Variants in PPAT observed in about 807,000 individuals in gnomAD.
The protein encoded by PPAT is phosphoribosyl pyrophosphate amidotransferase, also known as amidophosphoribosyltransferase.
A neutral mutation model predicts 60.2 loss-of-function variants in PPAT; 20 were observed. The observed-to-expected ratio is 0.33, with a 90% CI of 0.23 to 0.48. The LOEUF is 0.48. Among genes scored for constraint, PPAT ranks in the 20% least tolerant of loss-of-function variants. The pLI is 0.99. For missense variants in PPAT, 349 were observed against 629.6 expected (o/e 0.55, Z 4.77); for synonymous variants, 194 against 215.1 (o/e 0.90, Z 0.86).
At chr4:56,398,321 G>C (rs934194976) in intron 9 of PPAT, among the ~76,000 whole-genome samples, 5 of 152,080 alleles carry the variant, frequency 3.3e-5, no homozygotes, top group Non-Finnish European at 5.9e-5. Flanking sequence ...AGTGAGTTGA[G>C]ATGGTGCCAT....
At chr4:56,421,618 G>A (rs1179860301) in intron 1 of PPAT, 1 of 152,224 alleles carries the variant, frequency 6.6e-6, no homozygotes, top group Non-Finnish European at 1.5e-5. Context: ...AAGACAGTCT[G>A]CGTCTAGGGA....
At chr4:56,395,645 TAGGA>T in intron 10 of PPAT, 97 bp from the exon 11 acceptor site, 3 of 844,250 alleles carry the variant, frequency 3.6e-6, no homozygotes, top group Non-Finnish European at 3.2e-6. Flanking sequence ...TAATTTAAGC[TAGGA>T]TAAATTTCTC....
chr4:56,411,141 T>C (rs561381628), intron 1 of PPAT, among the ~76,000 whole-genome samples: 299 of 152,192 alleles, frequency 2.0e-3, no homozygotes, highest in African/African-American at 6.8e-3. Context: ...AAAAAGCACA[T>C]TACAATGGCA....
At chr4:56,429,179 G>A (rs1717449738) in intron 1 of PPAT, among the ~76,000 whole-genome samples, 1 of 152,172 alleles carries the variant, frequency 6.6e-6, no homozygotes, top group Admixed American at 6.5e-5. Flanking sequence ...CTCACTGAGT[G>A]AAAGTTCCTG....
intron 1 of PPAT, chr4:56,410,442 C>A: frequency 1.2e-6 from 1 of 815,114 alleles, no homozygotes; most frequent in Non-Finnish European, 1.5e-6. Context: ...AGCTTATTGA[C>A]AACCAGCCAT....
chr4:56,404,097 A>G (rs1716185315), intron 3 of PPAT: 1 of 396,956 alleles, frequency 2.5e-6, no homozygotes. Flanking sequence ...ACGGATGACC[A>G]TGGCTGGAGG....
intron 1 of PPAT, among the ~76,000 whole-genome samples, chr4:56,427,214 C>A (rs115968772): frequency 0.013 from 1,972 of 152,184 alleles, 49 homozygotes; most frequent in African/African-American, 0.045. Context: ...TGCTTGAGTC[C>A]CTGCTTTCAA....
intron 6 of PPAT, 139 bp downstream of exon 6, chr4:56,401,970 A>AT: frequency 1.6e-6 from 1 of 622,388 alleles, no homozygotes; most frequent in Non-Finnish European, 2.7e-6. Context: ...CATAACATGC[A>AT]TAAGAAAAAC....
intron 7 of PPAT, 118 bp from the exon 8 acceptor site, chr4:56,401,029 C>T (rs1370450599): frequency 2.8e-6 from 3 of 1,065,698 alleles, no homozygotes; most frequent in Non-Finnish European, 4.0e-6. Context: ...GCAATATATA[C>T]AAAAATATGA....
At chr4:56,403,758 T>A (rs1578115939) in intron 3 of PPAT, among the ~76,000 whole-genome samples, 1 of 152,178 alleles carries the variant, frequency 6.6e-6, no homozygotes, top group Admixed American at 6.5e-5. Context: ...AACTAGACAG[T>A]CCCATCTGGG....
intron 1 of PPAT, among the ~76,000 whole-genome samples, chr4:56,412,640 T>C (rs983664447): frequency 2.0e-5 from 3 of 152,200 alleles, no homozygotes; most frequent in Admixed American, 1.3e-4. Context: ...TCACTATATT[T>C]CCAATCACTT....
At chr4:56,419,988 T>A in intron 1 of PPAT, 2 of 985,176 alleles carry the variant, frequency 2.0e-6, no homozygotes, top group South Asian at 9.4e-5. Flanking sequence ...AGACCAGGAA[T>A]CCCAAGATGG....
At position 56,394,044 on chromosome 4, in the gene PPAT, A is replaced by G. The variant is rs1310817873; in HGVS notation, c.*1308T>C. On this transcript the variant is annotated 3_prime_UTR_variant, in exon 11 of 11. Transcript: ENST00000264220. ...ATTAAATTTCTAAATGGATCTGGAC[A>G]CTATATACATCAAATTATGGTAACA... 1 of 152,258 alleles carries G rather than the reference A, an allele frequency of 6.6e-6. No homozygotes were observed. The allele number at this position is 152,258 out of a possible 1,614,324, so 9.4% of individuals were successfully genotyped here. A position where few individuals can be genotyped will look rare whatever the true frequency, so the allele number is the denominator to read the frequency against.
chr4:56,427,381 G>A (rs987322387), intron 1 of PPAT, among the ~76,000 whole-genome samples: 2 of 152,162 alleles, frequency 1.3e-5, no homozygotes, highest in Non-Finnish European at 2.9e-5. Context: ...GAGTGGAATT[G>A]CTTGGTCATA....
intron 1 of PPAT, among the ~76,000 whole-genome samples, chr4:56,409,668 T>C (rs1354163558): frequency 6.6e-6 from 1 of 152,218 alleles, no homozygotes; most frequent in East Asian, 1.9e-4. Context: ...TCCAACTGCT[T>C]TGCCATTTTT....
At chr4:56,430,080 G>A (rs577617094) in intron 1 of PPAT, among the ~76,000 whole-genome samples, 3 of 152,172 alleles carry the variant, frequency 2.0e-5, no homozygotes, top group African/African-American at 2.4e-5. Flanking sequence ...GGGCAACATA[G>A]TGAAACCCCC....
At chr4:56,400,670 C>T in intron 8 of PPAT, 114 bp downstream of exon 8, 3 of 1,168,028 alleles carry the variant, frequency 2.6e-6, no homozygotes, top group Non-Finnish European at 3.4e-6. Flanking sequence ...CCAACATTAA[C>T]CACCAAAGCT....
Position 56,403,414 on chromosome 4 carries a change from AAAGAG to A in PPAT, c.403-18_403-14del, listed in dbSNP as rs1041637871. The A allele has an allele frequency of 2.5e-6, 4 of 1,580,922 alleles. No homozygotes were observed. The African/African-American group carries it at 5.5e-5, about 22-fold the overall frequency. On this transcript the variant is annotated splice_polypyrimidine_tract_variant and intron_variant, in intron 3 of 10. Transcript: ENST00000264220. ...CATGACGCAGAAGCTATATAGAAAA[AAAGAG>A]AAGTTTAATCATCAGAGGGGAAGCT...
chr4:56,415,957 C>T (rs1716708013), intron 1 of PPAT, among the ~76,000 whole-genome samples: 1 of 151,932 alleles, frequency 6.6e-6, no homozygotes, highest in Admixed American at 6.6e-5. Flanking sequence ...GTAATCCCAG[C>T]TACTCATAAG....
Sources: gnomAD v4.1 joint callset for allele counts (sites outside exome capture counted in the v4.1 genomes callset) on GRCh38, gnomAD v4.1.1 for gene constraint, MANE v1.5 for transcripts, NCBI Gene and HGNC (gene_info 2026-07-23, HGNC 2026-07-21) for gene names.